Variants in IGF2R observed in about 807,000 individuals in gnomAD.
The protein encoded by IGF2R is cation-independent mannose-6-phosphate receptor.
In IGF2R, 91 loss-of-function variants were observed where a neutral mutation model predicts 270.6. The observed-to-expected ratio is 0.34, with a 90% CI of 0.28 to 0.40. The LOEUF is 0.40. Among genes scored for constraint, IGF2R ranks in the 10% least tolerant of loss-of-function variants. IGF2R has a pLI of 1.00. For missense variants in IGF2R, 2,805 were observed against 3,188.3 expected, an observed-to-expected ratio of 0.88 and a Z score of 2.90; for synonymous variants, 1,316 against 1,258.9, an observed-to-expected ratio of 1.05 and a Z score of -0.96.
intron 2 of IGF2R, chr6:160,003,490 CATT>C (rs1784162046): frequency 6.6e-6 from 1 of 152,146 alleles, no homozygotes; most frequent in South Asian, 2.1e-4. Context: ...TTTTTGGTAG[CATT>C]GTTTATTGTG....
chr6:160,024,210 G>T (rs1014747256), intron 4 of IGF2R, among the ~76,000 whole-genome samples: 5 of 152,018 alleles, frequency 3.3e-5, no homozygotes, highest in African/African-American at 1.2e-4. Flanking sequence ...AAGAAATTTT[G>T]CTCTAAGTTG....
At position 160,105,294 on chromosome 6, in the gene IGF2R, A is replaced by G. The variant is rs1328373621; in HGVS notation, c.*210A>G. On this transcript the variant is annotated 3_prime_UTR_variant, in exon 48 of 48. Transcript: ENST00000356956. ...GTCATTGGAATAAGGCATGGCTCAG[A>G]TCGGCCACAGGGCGGTACCTTGTGC... The G allele has an allele frequency of 2.2e-5, 12 of 545,482 alleles. No homozygotes were observed. The highest frequency in any genetic ancestry group is 1.5e-4 in the South Asian group (6 of 39,124). The allele number at this position is 545,482 out of a possible 1,614,324, so 33.8% of individuals were successfully genotyped here. A position where few individuals can be genotyped will look rare whatever the true frequency, so the allele number is the denominator to read the frequency against.
chr6:160,058,079 C>G lies in IGF2R; in HGVS notation c.2853C>G (p.Asn951Lys). The G allele has an allele frequency of 1.9e-6, 3 of 1,613,670 alleles. No individual in the cohort carries two copies. Among genetic ancestry groups the G allele is most frequent in the Admixed American group, 3.3e-5 (2 of 60,018 alleles). ...SGFVFNLNPLNSSQGYNVSGI... is the reference protein window; with the variant it reads ...SGFVFNLNPLKSSQGYNVSGI... ...TTGTGTTTAATCTTAATCCGCTAAA[C>G]AGTTCGCAAGGATATAACGTCTCTG... Residue 951 changes from asparagine (N) to lysine (K), a missense_variant, in exon 21 of 48, where the codon AAC becomes AAG. Around this residue, in one of 2 missense-constraint regions of IGF2R, gnomAD observed 1,851 missense variants for 2,207.2 expected, o/e 0.84. Transcript: ENST00000356956.
intron 22 of IGF2R, 32 bp downstream of exon 22, chr6:160,059,130 A>G: frequency 6.3e-7 from 1 of 1,592,852 alleles, no homozygotes. Flanking sequence ...TTTGTAGCTA[A>G]AAAGGGCCCT....
rs201963335 is a variant in IGF2R, at chr6:160,105,110, G to A, written c.*26G>A. ...CTCCGCAGTGCCTGCAGGGGAGCAC[G>A]GAGCCGCGGGACAGCCAAGCACCTC... On this transcript the variant is annotated 3_prime_UTR_variant, in exon 48 of 48. Transcript: ENST00000356956. 8.0e-6 allele frequency: 12 copies of A among 1,492,658 alleles called. No individual in the cohort carries two copies. The highest frequency in any genetic ancestry group is 2.4e-5 in the Admixed American group (1 of 41,198). 92.5% of individuals were successfully genotyped at this position (1,492,658 alleles called of 1,614,324 possible).
At chr6:160,096,352 C>T (rs1195720301) in intron 44 of IGF2R, 87 bp from the exon 45 acceptor site, 9 of 1,273,264 alleles carry the variant, frequency 7.1e-6, no homozygotes, top group Admixed American at 2.1e-5. Flanking sequence ...TAAGTCTTTG[C>T]AAACTTTTTA....
intron 1 of IGF2R, among the ~76,000 whole-genome samples, chr6:159,987,854 A>G (rs762868038): frequency 6.6e-6 from 1 of 152,158 alleles, no homozygotes; most frequent in Non-Finnish European, 1.5e-5. Context: ...CTTCGCCTCA[A>G]GTGCTGCTGA....
Position 160,047,885 on chromosome 6 carries a change from CT to C in IGF2R, c.2324del (p.Leu775ArgfsTer43). ...ATGCGTAGTGACCGACCCCTCCACG[CT>C]GGAGCAGTACGACCTCTCCAGGTGA... is the stretch of plus-strand genomic sequence containing the variant. Reference protein sequence around the residue: ...LECVVTDPSTLEQYDLSSLAK... With the variant: ...LECVVTDPSTXEQYDLSSLAK... On this transcript the variant is annotated frameshift_variant, in exon 17 of 48. Transcript: ENST00000356956. LOFTEE classifies it high-confidence loss of function. 6.2e-7 allele frequency: 1 copy of C among 1,612,746 alleles called. No homozygotes were observed. Among genetic ancestry groups the C allele is most frequent in the Non-Finnish European group, 8.5e-7 (1 of 1,178,706 alleles).
chr6:160,073,575 TC>T, intron 34 of IGF2R, 106 bp downstream of exon 34: 1 of 1,339,912 alleles, frequency 7.5e-7, no homozygotes, highest in Non-Finnish European at 1.0e-6. Context: ...AGCTGAACTG[TC>T]CACTCCTGAT....
At chr6:160,052,033 G>A (rs1429222790) in intron 19 of IGF2R, among the ~76,000 whole-genome samples, 2 of 151,286 alleles carry the variant, frequency 1.3e-5, no homozygotes, top group African/African-American at 2.4e-5. Context: ...AACTTAGTGA[G>A]ACCCCATCTC....
intron 19 of IGF2R, among the ~76,000 whole-genome samples, chr6:160,056,149 C>T (rs1199020524): frequency 6.6e-6 from 1 of 152,152 alleles, no homozygotes; most frequent in Non-Finnish European, 1.5e-5. Context: ...ACCTTGAGCT[C>T]AGACCTAGGT....
In IGF2R at chr6:160,032,949, C is replaced by T; in HGVS notation, c.1053C>T (p.Ser351=). 6.3e-7 allele frequency: 1 copy of T among 1,590,720 alleles called. No homozygotes were observed. Residue 351 remains serine, a synonymous_variant, in exon 9 of 48, where the codon TCC becomes TCT. Coordinates refer to ENST00000356956, the MANE Select transcript of IGF2R (RefSeq NM_000876.4). Reference sequence around the variant, plus strand: ...TAATTTCCCTGTTTTTAGGTTCATCCTATATTTCAGATGGAAAAGAATATT... The same window carrying T: ...TAATTTCCCTGTTTTTAGGTTCATCTTATATTTCAGATGGAAAAGAATATT... ...LTPLAQSGGS[S]YISDGKEYLF...
intron 1 of IGF2R, among the ~76,000 whole-genome samples, chr6:159,980,104 C>G (rs1369933175): frequency 6.6e-6 from 1 of 151,780 alleles, no homozygotes; most frequent in East Asian, 1.9e-4. Flanking sequence ...TGGTGTGAAC[C>G]CGGGAGGCGG....
At chr6:160,000,734 T>TG (rs1554236891) in intron 2 of IGF2R, among the ~76,000 whole-genome samples, 2 of 138,094 alleles carry the variant, frequency 1.4e-5, no homozygotes, top group African/African-American at 5.7e-5. Flanking sequence ...GGTTGTTTTT[T>TG]TTTTTTTTTT....
intron 29 of IGF2R, among the ~76,000 whole-genome samples, chr6:160,067,271 T>A (rs1426412376): frequency 1.3e-5 from 2 of 152,084 alleles, no homozygotes; most frequent in African/African-American, 4.8e-5. Context: ...GCCAGGATGG[T>A]CAGTGATTCC....
intron 1 of IGF2R, among the ~76,000 whole-genome samples, chr6:159,979,392 C>T (rs1783744346): frequency 6.6e-6 from 1 of 152,174 alleles, no homozygotes; most frequent in Non-Finnish European, 1.5e-5. Context: ...GAGTCACCCT[C>T]ATTGTTCCCC....
intron 14 of IGF2R, 41 bp downstream of exon 14, chr6:160,045,923 A>C: frequency 6.7e-7 from 1 of 1,482,902 alleles, no homozygotes; most frequent in Non-Finnish European, 9.0e-7. Flanking sequence ...TGTGACTTGG[A>C]ACCACTTAAG....
At chr6:160,100,179 T>C (rs1779451326) in intron 45 of IGF2R, among the ~76,000 whole-genome samples, 1 of 152,164 alleles carries the variant, frequency 6.6e-6, no homozygotes, top group Admixed American at 6.5e-5. Flanking sequence ...AAGTATAGCT[T>C]GACTAAACTT....
intron 2 of IGF2R, among the ~76,000 whole-genome samples, chr6:159,996,560 G>A (rs1273395064): frequency 6.6e-6 from 1 of 152,314 alleles, no homozygotes; most frequent in African/African-American, 2.4e-5. Context: ...AGGTGCCAAG[G>A]TGTCTGCGGG....
Sources: gnomAD v4.1 joint callset for allele counts (sites outside exome capture counted in the v4.1 genomes callset) on GRCh38, gnomAD v4.1.1 for gene constraint, gnomAD v4.1.1 regional missense constraint, MANE v1.5 for transcripts, NCBI Gene and HGNC (gene_info 2026-07-23, HGNC 2026-07-21) for gene names.